Variants in RYR2 observed in about 807,000 individuals in gnomAD.
RYR2 encodes the protein cardiac muscle ryanodine receptor-calcium release channel.
A neutral mutation model predicts 601.1 loss-of-function variants in RYR2; 227 were observed. The ratio of observed to expected loss-of-function variants is 0.38; its 90% CI spans 0.34 to 0.42. The LOEUF (loss-of-function observed/expected upper bound fraction) is 0.42, where lower values mean the gene tolerates loss of function less well. Among genes scored for constraint, RYR2 ranks in the 10% least tolerant of loss-of-function variants. RYR2 has a pLI of 1.00. For synonymous variants in RYR2, 2,223 were observed against 2,175.1 expected (o/e 1.02, Z -0.61); for missense variants, 4,646 against 6,156.5 (o/e 0.75, Z 8.21).
chr1:237,437,242 T>G (rs984796228), intron 12 of RYR2, among the ~76,000 whole-genome samples: 1 of 151,862 alleles, frequency 6.6e-6, no homozygotes, highest in African/African-American at 2.4e-5. Context: ...TTAGTAGAGA[T>G]GGGGTTTCAC....
At chr1:237,115,319 G>A (rs979140591) in intron 1 of RYR2, among the ~76,000 whole-genome samples, 1 of 152,068 alleles carries the variant, frequency 6.6e-6, no homozygotes, top group Admixed American at 6.5e-5. Context: ...CATTGTACAA[G>A]AAGCACGGTC....
chr1:237,532,837 C>T (rs545138992), intron 25 of RYR2, among the ~76,000 whole-genome samples: 3 of 152,124 alleles, frequency 2.0e-5, no homozygotes, highest in Admixed American at 6.5e-5. Context: ...AGGCAGTTTT[C>T]ACTGACAAAA....
intron 17 of RYR2, among the ~76,000 whole-genome samples, chr1:237,473,419 ATCTCTCTC>A (rs375072151): frequency 0.016 from 1,911 of 122,184 alleles, 117 homozygotes; most frequent in Middle Eastern, 0.027. Context: ...ACGAGACTCC[ATCTCTCTC>A]TCTCTCTTTC....
intron 63 of RYR2, among the ~76,000 whole-genome samples, chr1:237,696,363 A>G (rs148652081): frequency 1.3e-4 from 20 of 152,156 alleles, no homozygotes; most frequent in African/African-American, 4.6e-4. Flanking sequence ...CCCATTGTCT[A>G]TACTGCATCT....
intron 29 of RYR2, among the ~76,000 whole-genome samples, chr1:237,575,166 A>G (rs1673098674): frequency 6.6e-6 from 1 of 152,174 alleles, no homozygotes. Flanking sequence ...TGTACGTATA[A>G]TTCTCTGAGT....
intron 12 of RYR2, among the ~76,000 whole-genome samples, chr1:237,440,791 G>A (rs1310719856): frequency 6.6e-6 from 1 of 151,820 alleles, no homozygotes; most frequent in Non-Finnish European, 1.5e-5. Context: ...TTTATCCCGG[G>A]GACACTATTC....
chr1:237,815,933 A>G (rs910822785), intron 100 of RYR2, among the ~76,000 whole-genome samples: 1 of 152,136 alleles, frequency 6.6e-6, no homozygotes, highest in Non-Finnish European at 1.5e-5. Context: ...CCAAGACCCA[A>G]AGACTCCCAA....
At chr1:237,719,940 G>A (rs994148978) in intron 73 of RYR2, among the ~76,000 whole-genome samples, 1 of 152,228 alleles carries the variant, frequency 6.6e-6, no homozygotes, top group Non-Finnish European at 1.5e-5. Flanking sequence ...ATCGAGATTT[G>A]CAGCAATAGG....
At chr1:237,331,215 T>C (rs1378759575) in intron 3 of RYR2, among the ~76,000 whole-genome samples, 1 of 152,234 alleles carries the variant, frequency 6.6e-6, no homozygotes, top group African/African-American at 2.4e-5. Context: ...CTCGTGCTTA[T>C]GTCTGTTGTT....
At position 237,359,353 on chromosome 1, in the gene RYR2, G is replaced by A. The variant is rs116536258; in HGVS notation, c.294+3368G>A. ...GAATGCAAATCACTTTCACATTGTC[G>A]TACAGTTGAAAAATCATAAATAGAA... On this transcript the variant is annotated intron_variant, in intron 4 of 104. Coordinates refer to ENST00000366574, the MANE Select transcript of RYR2 (RefSeq NM_001035.3). 4.2e-3 allele frequency among the ~76,000 whole-genome samples: 646 copies of A among 152,200 alleles called. 3 individuals are homozygous for A. The highest frequency in any genetic ancestry group is 0.021 in the Middle Eastern group (6 of 292).
chr1:237,269,444 T>C (rs1307088570), intron 1 of RYR2, among the ~76,000 whole-genome samples: 1 of 152,158 alleles, frequency 6.6e-6, no homozygotes, highest in East Asian at 1.9e-4. Flanking sequence ...CATACTACCT[T>C]GGTGAAGGGC....
intron 12 of RYR2, among the ~76,000 whole-genome samples, chr1:237,426,258 G>T (rs1214589866): frequency 6.6e-6 from 1 of 152,120 alleles, no homozygotes; most frequent in Non-Finnish European, 1.5e-5. Flanking sequence ...GACAGTCAGG[G>T]TAGGTCTTTA....
At position 237,503,425 on chromosome 1, in the gene RYR2, A is replaced by G. The variant is rs944118543; in HGVS notation, c.2533A>G (p.Thr845Ala). Reference protein sequence around the residue: ...EHSREYKQERTYTRDLLGPTV... With the variant: ...EHSREYKQERAYTRDLLGPTV... ...CAGCCGAGAGTACAAGCAAGAAAGA[A>G]CTTACACACGCGACCTGCTGGGCCC... Residue 845 changes from threonine to alanine, a missense_variant, in exon 22 of 105, where the codon ACT (threonine) becomes GCT (alanine). By Grantham distance (58) the Thr-to-Ala change is moderately conservative. Around this residue, in one of 17 missense-constraint regions of RYR2, gnomAD observed 1,807 missense variants for 2,088.1 expected, o/e 0.87. Coordinates refer to ENST00000366574, the MANE Select transcript of RYR2 (RefSeq NM_001035.3). The G allele has an allele frequency of 6.2e-7, 1 of 1,613,948 alleles. No individual in the cohort carries two copies. The highest frequency in any genetic ancestry group is 1.1e-5 in the South Asian group (1 of 91,076).
chr1:237,419,916 G>T (rs1558787392), intron 11 of RYR2, among the ~76,000 whole-genome samples: 1 of 151,878 alleles, frequency 6.6e-6, no homozygotes, highest in East Asian at 1.9e-4. Flanking sequence ...TACTAATTTT[G>T]CATTATATTT....
intron 1 of RYR2, among the ~76,000 whole-genome samples, chr1:237,226,842 C>T (rs1684417993): frequency 6.6e-6 from 1 of 152,142 alleles, no homozygotes; most frequent in Non-Finnish European, 1.5e-5. Context: ...GCTCTCGGCT[C>T]ACTGCAACCT....
chr1:237,609,720 A>G (rs1485348936), intron 35 of RYR2, among the ~76,000 whole-genome samples: 2 of 152,074 alleles, frequency 1.3e-5, no homozygotes, highest in African/African-American at 4.8e-5. Context: ...AACCCCATTT[A>G]AAATTGCTGC....
At chr1:237,336,834 G>T (rs1200689174) in intron 3 of RYR2, among the ~76,000 whole-genome samples, 1 of 151,716 alleles carries the variant, frequency 6.6e-6, no homozygotes, top group African/African-American at 2.4e-5. Context: ...TCCAGCCTGG[G>T]CAACAAAGTG....
chr1:237,143,539 G>A (rs1382977858), intron 1 of RYR2, among the ~76,000 whole-genome samples: 2 of 152,146 alleles, frequency 1.3e-5, no homozygotes, highest in African/African-American at 4.8e-5. Flanking sequence ...ATGGAAGCAT[G>A]AAAGCCCAGT....
chr1:237,377,199 T>A (rs1367239385), intron 7 of RYR2, 124 bp from the exon 8 acceptor site: 2 of 632,516 alleles, frequency 3.2e-6, no homozygotes, highest in Non-Finnish European at 5.4e-6. Context: ...CTTTTCATGG[T>A]GTAAGAGATT....
Sources: gnomAD v4.1 joint callset for allele counts (sites outside exome capture counted in the v4.1 genomes callset) on GRCh38, gnomAD v4.1.1 for gene constraint, gnomAD v4.1.1 regional missense constraint, MANE v1.5 for transcripts, NCBI Gene and HGNC (gene_info 2026-07-23, HGNC 2026-07-21) for gene names.